Variants in PLCB4 observed in about 807,000 individuals in gnomAD.
PLCB4 encodes 1-phosphatidylinositol 4,5-bisphosphate phosphodiesterase beta-4.
Under a neutral mutation model 178.8 loss-of-function variants are expected in PLCB4, and 77 were observed. That is an observed-to-expected ratio of 0.43 (90% CI 0.36 to 0.52). The LOEUF (loss-of-function observed/expected upper bound fraction) is 0.52, where lower values mean the gene tolerates loss of function less well. Among genes scored for constraint, PLCB4 ranks in the 20% least tolerant of loss-of-function variants. PLCB4 has a pLI of 0.00. For synonymous variants in PLCB4, 496 were observed against 490.8 expected, an observed-to-expected ratio of 1.01 and a Z score of -0.14; for missense variants, 1,024 against 1,453.4, an observed-to-expected ratio of 0.70 and a Z score of 4.80.
chr20:9,196,223 A>C (rs1014817180), intron 2 of PLCB4, among the ~76,000 whole-genome samples: 2 of 152,196 alleles, frequency 1.3e-5, no homozygotes, highest in African/African-American at 4.8e-5. Context: ...CTGTGTGTGC[A>C]GGCAGAGTCA....
chr20:9,147,870 C>T (rs1348945876), intron 2 of PLCB4, among the ~76,000 whole-genome samples: 4 of 152,154 alleles, frequency 2.6e-5, no homozygotes, highest in Non-Finnish European at 4.4e-5. Flanking sequence ...GAGAATTGTG[C>T]TCTTTTTGCA....
chr20:9,119,177 C>A (rs2091879023), intron 2 of PLCB4, among the ~76,000 whole-genome samples: 1 of 152,128 alleles, frequency 6.6e-6, no homozygotes, highest in Non-Finnish European at 1.5e-5. Context: ...TATTTGCCCT[C>A]ACACTATTTT....
At chr20:9,140,097 T>C (rs2092457806) in intron 2 of PLCB4, among the ~76,000 whole-genome samples, 1 of 152,122 alleles carries the variant, frequency 6.6e-6, no homozygotes, top group Non-Finnish European at 1.5e-5. Context: ...TTTGCTTTTT[T>C]GTTTTAAGTT....
intron 2 of PLCB4, among the ~76,000 whole-genome samples, chr20:9,209,805 A>T (rs1490887448): frequency 6.6e-6 from 1 of 152,042 alleles, no homozygotes; most frequent in Admixed American, 6.5e-5. Flanking sequence ...CTACTAAAAA[A>T]TACAAAAAAT....
intron 2 of PLCB4, among the ~76,000 whole-genome samples, chr20:9,205,649 T>A (rs1035782043): frequency 6.6e-6 from 1 of 152,200 alleles, no homozygotes; most frequent in African/African-American, 2.4e-5. Context: ...TTACATGCAC[T>A]CATTTGTGTG....
intron 38 of PLCB4, among the ~76,000 whole-genome samples, chr20:9,475,987 T>C (rs180891886): frequency 1.3e-5 from 2 of 152,352 alleles, no homozygotes; most frequent in East Asian, 3.9e-4. Context: ...AAGCCAGAGA[T>C]AAATGTAAAC....
intron 27 of PLCB4, among the ~76,000 whole-genome samples, chr20:9,421,792 A>G (rs1394947108): frequency 6.6e-6 from 1 of 152,164 alleles, no homozygotes; most frequent in Non-Finnish European, 1.5e-5. Context: ...GGTAACTTAC[A>G]CTATTCCTTT....
At chr20:9,127,967 G>T (rs919874505) in intron 2 of PLCB4, among the ~76,000 whole-genome samples, 2 of 152,104 alleles carry the variant, frequency 1.3e-5, no homozygotes, top group Admixed American at 1.3e-4. Context: ...GATTACAGAC[G>T]TGAGACACCA....
intron 3 of PLCB4, among the ~76,000 whole-genome samples, chr20:9,300,791 G>A (rs2094693028): frequency 1.3e-5 from 2 of 152,124 alleles, no homozygotes; most frequent in Admixed American, 1.3e-4. Context: ...AAACTTATTT[G>A]GCAACTTTTT....
intron 2 of PLCB4, among the ~76,000 whole-genome samples, chr20:9,198,438 A>G (rs1181596694): frequency 2.6e-5 from 4 of 152,222 alleles, no homozygotes; most frequent in African/African-American, 7.2e-5. Flanking sequence ...TTTGTGGAAT[A>G]TGGGGAATCA....
intron 7 of PLCB4, 139 bp downstream of exon 7, chr20:9,339,176 G>A (rs1479259281): frequency 8.3e-6 from 6 of 723,390 alleles, no homozygotes; most frequent in African/African-American, 7.2e-5. Context: ...ACATGTTTCT[G>A]TAGAAAATCA....
chr20:9,455,621 C>T (rs930502068), intron 33 of PLCB4, among the ~76,000 whole-genome samples: 3 of 152,116 alleles, frequency 2.0e-5, no homozygotes, highest in Admixed American at 1.3e-4. Flanking sequence ...TTATCCTAAA[C>T]GTAGATGAGA....
chr20:9,461,486 G>A (rs1055818690), intron 35 of PLCB4, among the ~76,000 whole-genome samples: 3 of 152,192 alleles, frequency 2.0e-5, no homozygotes, highest in Non-Finnish European at 2.9e-5. Flanking sequence ...AGGGGTCAGG[G>A]GACTTCCCTT....
chr20:9,233,579 G>A (rs569160885), intron 3 of PLCB4, among the ~76,000 whole-genome samples: 2 of 152,138 alleles, frequency 1.3e-5, no homozygotes, highest in African/African-American at 4.8e-5. Flanking sequence ...TACTATGAAG[G>A]TAATGTTTGA....
chr20:9,139,337 G>T (rs186642287), intron 2 of PLCB4, among the ~76,000 whole-genome samples: 25 of 152,154 alleles, frequency 1.6e-4, no homozygotes, highest in African/African-American at 6.0e-4. Context: ...GTTTCATGTG[G>T]TGTTGGCTGG....
chr20:9,445,800 GAA>G (rs1391061855), intron 32 of PLCB4, among the ~76,000 whole-genome samples: 1 of 152,178 alleles, frequency 6.6e-6, no homozygotes, highest in Non-Finnish European at 1.5e-5. Context: ...AAAGCCAACA[GAA>G]AAAGAGTAAG....
intron 21 of PLCB4, among the ~76,000 whole-genome samples, chr20:9,406,063 T>G (rs2148489171): frequency 6.6e-6 from 1 of 152,330 alleles, no homozygotes; most frequent in Non-Finnish European, 1.5e-5. Context: ...AGTACATTAC[T>G]CTCTTGTTCT....
chr20:9,183,538 C>A (rs2093282026), intron 2 of PLCB4, among the ~76,000 whole-genome samples: 1 of 152,092 alleles, frequency 6.6e-6, no homozygotes, highest in African/African-American at 2.4e-5. Flanking sequence ...TCAAAAAGGA[C>A]CATCAAGCTG....
intron 3 of PLCB4, among the ~76,000 whole-genome samples, chr20:9,268,631 C>T (rs1020252920): frequency 6.6e-6 from 1 of 152,098 alleles, no homozygotes; most frequent in Non-Finnish European, 1.5e-5. Context: ...ACATCAGTGC[C>T]CTCTTATCCA....
Sources: allele counts gnomAD v4.1 joint callset (sites outside exome capture counted in the v4.1 genomes callset), GRCh38; gene constraint gnomAD v4.1.1; transcripts MANE v1.5; gene names NCBI Gene and HGNC (gene_info 2026-07-23, HGNC 2026-07-21).